ANO10: variants seen among roughly 807,000 people sequenced by gnomAD.
ANO10 encodes anoctamin 10.
In ANO10, 77 loss-of-function variants were observed where a neutral mutation model predicts 74.7. The observed-to-expected ratio is 1.03, with a 90% CI of 0.86 to 1.25. The LOEUF is 1.25. Among genes scored for constraint, ANO10 ranks in the 50% most tolerant of loss-of-function variants. ANO10 has a pLI of 0.00. For missense variants in ANO10, 721 were observed against 778.1 expected, an observed-to-expected ratio of 0.93 and a Z score of 0.87; for synonymous variants, 279 against 284.9, an observed-to-expected ratio of 0.98 and a Z score of 0.21.
intron 12 of ANO10, among the ~76,000 whole-genome samples, chr3:43,384,116 A>G (rs963582658): frequency 6.6e-6 from 1 of 152,204 alleles, no homozygotes; most frequent in Non-Finnish European, 1.5e-5. Flanking sequence ...GCCCTGCTAT[A>G]TACCAACAGC....
At chr3:43,625,901 G>A (rs927117174), upstream of ANO10, among the ~76,000 whole-genome samples, 4 of 150,298 alleles carry the variant, frequency 2.7e-5, no homozygotes, top group Admixed American at 1.3e-4. Flanking sequence ...GGGTTGCATC[G>A]TACTTAGAAA....
chr3:43,501,472 C>T (rs949806530), intron 11 of ANO10, among the ~76,000 whole-genome samples: 4 of 151,980 alleles, frequency 2.6e-5, no homozygotes, highest in African/African-American at 9.7e-5. Context: ...ATTCCCAATA[C>T]TTTAAAAAGA....
chr3:43,366,858 G>C lies in ANO10; in HGVS notation c.*48C>G. 6.5e-7 allele frequency: 1 copy of C among 1,535,708 alleles called. No homozygotes were observed. The highest frequency in any genetic ancestry group is 2.2e-4 in the Middle Eastern group (1 of 4,568). ...CCCCCCTGCCACCGTGGCAGGTGTG[G>C]CACAGACACAGGCCTCTGCCAACAG... On this transcript the variant is annotated 3_prime_UTR_variant, in exon 13 of 13. Coordinates refer to ENST00000292246, the MANE Select transcript of ANO10 (RefSeq NM_018075.5).
At chr3:43,502,345 C>T (rs1035055865) in intron 11 of ANO10, among the ~76,000 whole-genome samples, 1 of 152,152 alleles carries the variant, frequency 6.6e-6, no homozygotes, top group African/African-American at 2.4e-5. Context: ...GGGCAGATTC[C>T]TCATGAAAGG....
intron 4 of ANO10, among the ~76,000 whole-genome samples, chr3:43,586,632 A>G (rs1258311191): frequency 6.6e-6 from 1 of 152,178 alleles, no homozygotes; most frequent in Non-Finnish European, 1.5e-5. Flanking sequence ...CAAAAATACT[A>G]CAAGAAAAAA....
intron 12 of ANO10, among the ~76,000 whole-genome samples, chr3:43,430,602 T>C (rs2092966216): frequency 1.3e-5 from 2 of 152,126 alleles, no homozygotes; most frequent in African/African-American, 4.8e-5. Flanking sequence ...CCAGTTTTAT[T>C]TGGGCCCATT....
chr3:43,586,197 T>C (rs759283198), intron 4 of ANO10, among the ~76,000 whole-genome samples: 12 of 151,970 alleles, frequency 7.9e-5, no homozygotes, highest in Non-Finnish European at 1.5e-4. Flanking sequence ...CCTGGCACCA[T>C]AGCCAGATAA....
At chr3:43,610,631 G>A (rs183555971) in intron 1 of ANO10, among the ~76,000 whole-genome samples, 1 of 152,278 alleles carries the variant, frequency 6.6e-6, no homozygotes. Flanking sequence ...TATGCAGTCT[G>A]TTGTTGACCA....
chr3:43,382,473 C>A (rs1413095178), intron 12 of ANO10, among the ~76,000 whole-genome samples: 1 of 149,436 alleles, frequency 6.7e-6, no homozygotes, highest in Non-Finnish European at 1.5e-5. Flanking sequence ...GAGCCGAGAT[C>A]GCGCCACTGC....
chr3:43,391,080 CA>C (rs2092262591), intron 12 of ANO10, among the ~76,000 whole-genome samples: 1 of 152,220 alleles, frequency 6.6e-6, no homozygotes, highest in African/African-American at 2.4e-5. Flanking sequence ...ACTCTCTCTG[CA>C]GCATGTTTTC....
At chr3:43,668,992 T>C (rs1340100406) in intron 1 of ANO10, among the ~76,000 whole-genome samples, 1 of 152,130 alleles carries the variant, frequency 6.6e-6, no homozygotes, top group East Asian at 1.9e-4. Context: ...TGCCCAAGAG[T>C]TTGTAATGTA....
intron 12 of ANO10, among the ~76,000 whole-genome samples, chr3:43,368,080 C>T (rs1372778722): frequency 2.6e-5 from 4 of 152,198 alleles, no homozygotes; most frequent in Non-Finnish European, 5.9e-5. Context: ...GGAAGGTGCT[C>T]TCAACTCCTG....
intron 11 of ANO10, among the ~76,000 whole-genome samples, chr3:43,536,995 C>CAAAAAA (rs5848666): frequency 1.3e-5 from 1 of 78,612 alleles, no homozygotes; most frequent in Non-Finnish European, 2.4e-5. Flanking sequence ...TTTCATCACT[C>CAAAAAA]AAAAAAAAAA....
chr3:43,588,495 C>T (rs2081578588), intron 4 of ANO10, among the ~76,000 whole-genome samples: 1 of 150,328 alleles, frequency 6.7e-6, no homozygotes, highest in African/African-American at 2.5e-5. Flanking sequence ...ACTATGATAA[C>T]ATAGCACAAA....
At position 43,690,832 on chromosome 3, in the gene ANO10, G is replaced by A. The variant is rs565429045; in HGVS notation, c.-12+685C>T. 18 of 622,578 alleles carry A rather than the reference G, an allele frequency of 2.9e-5. No homozygotes were observed. In the South Asian group the frequency reaches 5.8e-4, roughly 20 times the overall value. The allele number at this position is 622,578 out of a possible 1,614,324, so 38.6% of individuals were successfully genotyped here. On this transcript the variant is annotated intron_variant, in intron 1 of 3. Transcript: ENST00000413397. Reference sequence around the variant, plus strand: ...CGGACGCAAAGCCGGAGGCAAGGCCGCGCACGCGCAAACGCGGGCGCGCCG... The same window carrying A: ...CGGACGCAAAGCCGGAGGCAAGGCCACGCACGCGCAAACGCGGGCGCGCCG...
rs566348459 is a variant in ANO10 at position 43,455,842 on chromosome 3, T to C, written c.1798-23115A>G. 7.9e-4 allele frequency among the ~76,000 whole-genome samples: 120 copies of C among 152,130 alleles called. 2 individuals are homozygous for C. The South Asian group carries it at 0.02, about 25-fold the overall frequency. On this transcript the variant is annotated intron_variant, in intron 11 of 12. Transcript: ENST00000292246. ...ACACAAAGATGAATATATAAAGATA[T>C]ATAAAAATAAATTATAATATCCTGT...
At chr3:43,691,120 A>C in intron 1 of ANO10, 1 of 1,332,760 alleles carries the variant, frequency 7.5e-7, no homozygotes, top group East Asian at 2.9e-5. Flanking sequence ...AGCGGGCAGC[A>C]CCAAGGAGTC....
At chr3:43,511,933 AT>A (rs1220407208) in intron 11 of ANO10, among the ~76,000 whole-genome samples, 1 of 152,162 alleles carries the variant, frequency 6.6e-6, no homozygotes, top group African/African-American at 2.4e-5. Flanking sequence ...ACACAGGACA[AT>A]GAGGTCCATG....
intron 8 of ANO10, among the ~76,000 whole-genome samples, chr3:43,563,888 G>T (rs191430480): frequency 1.4e-4 from 21 of 152,184 alleles, no homozygotes; most frequent in Non-Finnish European, 2.6e-4. Context: ...GAAGCTGATC[G>T]AGAGGTACAA....
Sources: gnomAD v4.1 joint callset for allele counts (sites outside exome capture counted in the v4.1 genomes callset) on GRCh38, gnomAD v4.1.1 for gene constraint, MANE v1.5 for transcripts, NCBI Gene and HGNC (gene_info 2026-07-23, HGNC 2026-07-21) for gene names.